Variants in ETNK1 observed in about 807,000 individuals in gnomAD.
The protein encoded by ETNK1 is ethanolamine kinase 1.
A neutral mutation model predicts 45.1 loss-of-function variants in ETNK1; 8 were observed. The observed-to-expected ratio is 0.18, with a 90% CI of 0.10 to 0.32. The LOEUF is 0.32. Among genes scored for constraint, ETNK1 ranks in the 10% least tolerant of loss-of-function variants. ETNK1 has a pLI of 1.00. For missense variants in ETNK1, 302 were observed against 430.6 expected, an observed-to-expected ratio of 0.70 and a Z score of 2.64; for synonymous variants, 152 against 151.9, an observed-to-expected ratio of 1.00 and a Z score of -0.01.
At chr12:22,676,842 C>A (rs1954167191) in intron 6 of ETNK1, among the ~76,000 whole-genome samples, 1 of 146,870 alleles carries the variant, frequency 6.8e-6, no homozygotes, top group Non-Finnish European at 1.5e-5. Flanking sequence ...TATCCTTTGC[C>A]TACGTTTTGA....
intron 3 of ETNK1, among the ~76,000 whole-genome samples, chr12:22,659,787 T>G (rs1953980722): frequency 6.6e-6 from 1 of 152,104 alleles, no homozygotes; most frequent in African/African-American, 2.4e-5. Flanking sequence ...TGAGTTATAT[T>G]TTTTCCCTAG....
At chr12:22,679,268 G>A (rs534454967) in intron 6 of ETNK1, among the ~76,000 whole-genome samples, 6 of 152,308 alleles carry the variant, frequency 3.9e-5, no homozygotes, top group South Asian at 4.1e-4. Context: ...AACCACTGGC[G>A]TTTAAGTCCA....
At chr12:22,629,288 C>T (rs1484885941) in intron 1 of ETNK1, among the ~76,000 whole-genome samples, 1 of 151,980 alleles carries the variant, frequency 6.6e-6, no homozygotes, top group East Asian at 1.9e-4. Context: ...AAAGATTACC[C>T]AAGAAGTTTA....
intron 2 of ETNK1, among the ~76,000 whole-genome samples, chr12:22,653,346 C>G (rs968344435): frequency 5.9e-5 from 9 of 152,088 alleles, no homozygotes; most frequent in African/African-American, 1.9e-4. Context: ...ACTCGGGTCC[C>G]TTGAGAGTCC....
intron 6 of ETNK1, among the ~76,000 whole-genome samples, chr12:22,679,178 C>G (rs975991676): frequency 2.6e-5 from 4 of 152,208 alleles, no homozygotes; most frequent in African/African-American, 4.8e-5. Flanking sequence ...TGGCGCAGTA[C>G]AAGTTTGAAA....
chr12:22,632,952 A>G (rs76917991), intron 1 of ETNK1, among the ~76,000 whole-genome samples: 1,624 of 152,308 alleles, frequency 0.011, 25 homozygotes, highest in African/African-American at 0.034. Context: ...CTAGCATTCC[A>G]TTTTAAGAAT....
chr12:22,676,099 T>G lies in ETNK1; in HGVS notation c.945+2439T>G, dbSNP rs576162503. Among the ~76,000 whole-genome samples, 8 of 152,326 alleles carry G rather than the reference T, an allele frequency of 5.3e-5. No individual in the cohort carries two copies. In the South Asian group the frequency reaches 1.7e-3, roughly 32 times the overall value. On this transcript the variant is annotated intron_variant, in intron 6 of 7. Transcript: ENST00000266517. ...TAGGTATACATGTGCCATGGTGGTTTGCTGCACCCATCAACCTGTCATGCA... is the reference window on the plus strand; with the variant it reads ...TAGGTATACATGTGCCATGGTGGTTGGCTGCACCCATCAACCTGTCATGCA...
At chr12:22,665,234 A>G (rs1954043121) in intron 4 of ETNK1, among the ~76,000 whole-genome samples, 1 of 152,140 alleles carries the variant, frequency 6.6e-6, no homozygotes, top group Admixed American at 6.6e-5. Context: ...TTGACAGTTT[A>G]CATCAGAATC....
At chr12:22,646,639 T>A (rs1019134259) in intron 2 of ETNK1, among the ~76,000 whole-genome samples, 29 of 151,902 alleles carry the variant, frequency 1.9e-4, no homozygotes, top group African/African-American at 6.8e-4. Context: ...CATGCAGTGA[T>A]CTGGACTGAT....
rs142528168 is a variant in ETNK1 at position 22,684,951 on chromosome 12, G to A, written c.1089G>A (p.Glu363=). The A allele has an allele frequency of 1.9e-6, 3 of 1,595,434 alleles. No individual in the cohort carries two copies. Among genetic ancestry groups the A allele is most frequent in the Non-Finnish European group, 2.6e-6 (3 of 1,171,928 alleles). ...KPEVTALKVP[E] Reference sequence around the variant, plus strand: ...AGGTTACTGCATTAAAAGTGCCTGAGTAAAGAAGAGATTTAATTATTCTCC... The same window carrying A: ...AGGTTACTGCATTAAAAGTGCCTGAATAAAGAAGAGATTTAATTATTCTCC... The change falls in exon 8 of 8, where the codon GAG becomes GAA. Residue 363 remains glutamate, a synonymous_variant. Coordinates refer to ENST00000266517, the MANE Select transcript of ETNK1 (RefSeq NM_018638.5).
intron 6 of ETNK1, among the ~76,000 whole-genome samples, chr12:22,680,566 A>C (rs941457051): frequency 6.6e-6 from 1 of 152,150 alleles, no homozygotes; most frequent in Non-Finnish European, 1.5e-5. Flanking sequence ...TTCTACCTGG[A>C]ATGCCTTTTA....
At chr12:22,649,752 G>T (rs1442180589) in intron 2 of ETNK1, among the ~76,000 whole-genome samples, 2 of 151,952 alleles carry the variant, frequency 1.3e-5, no homozygotes, top group Non-Finnish European at 2.9e-5. Context: ...GACTTTTTAA[G>T]AATTTATTTT....
At chr12:22,656,297 C>T in intron 2 of ETNK1, 1 of 467,616 alleles carries the variant, frequency 2.1e-6, no homozygotes, top group Non-Finnish European at 2.8e-6. Context: ...CAGCATGATT[C>T]TCATGAACTT....
chr12:22,675,134 T>G (rs1399415737), intron 6 of ETNK1, among the ~76,000 whole-genome samples: 1 of 152,200 alleles, frequency 6.6e-6, no homozygotes. Context: ...AGTGATGTGA[T>G]CACAGCTCAT....
At chr12:22,638,767 A>T (rs1269064037) in intron 1 of ETNK1, 1 of 152,232 alleles carries the variant, frequency 6.6e-6, no homozygotes, top group East Asian at 1.9e-4. Flanking sequence ...ATTTTGTAAC[A>T]TACCCAAATT....
At chr12:22,631,321 C>T (rs999763498) in intron 1 of ETNK1, among the ~76,000 whole-genome samples, 2 of 151,754 alleles carry the variant, frequency 1.3e-5, no homozygotes, top group African/African-American at 4.8e-5. Context: ...ATTACAGGCG[C>T]CTGCCACCAC....
intron 6 of ETNK1, chr12:22,682,421 A>C: frequency 3.7e-6 from 1 of 273,542 alleles, no homozygotes; most frequent in Non-Finnish European, 7.5e-6. Flanking sequence ...TCTAGTTTGT[A>C]TATTAGTCAT....
In ETNK1 at chr12:22,685,129, A is replaced by T; in HGVS notation, c.*175A>T. The T allele has an allele frequency of 1.9e-6, 1 of 520,992 alleles. No individual in the cohort carries two copies. Among genetic ancestry groups the T allele is most frequent in the South Asian group, 2.9e-5 (1 of 34,376 alleles). The allele number at this position is 520,992 out of a possible 1,614,324, so 32.3% of individuals were successfully genotyped here. A position where few individuals can be genotyped will look rare whatever the true frequency, so the allele number is the denominator to read the frequency against. ...TTGAAATAGACTGAATGATGTCAAG[A>T]AATATACCTACTGCTATCCGTATGT... On this transcript the variant is annotated 3_prime_UTR_variant, in exon 8 of 8. Coordinates refer to ENST00000266517, the MANE Select transcript of ETNK1 (RefSeq NM_018638.5).
At chr12:22,676,064 G>T (rs959645075) in intron 6 of ETNK1, among the ~76,000 whole-genome samples, 6 of 152,040 alleles carry the variant, frequency 3.9e-5, no homozygotes, top group Admixed American at 6.6e-5. Context: ...GAACCTGCAG[G>T]TTTGTTACAT....
Sources: allele counts gnomAD v4.1 joint callset (sites outside exome capture counted in the v4.1 genomes callset), GRCh38; gene constraint gnomAD v4.1.1; transcripts MANE v1.5; gene names NCBI Gene and HGNC (gene_info 2026-07-23, HGNC 2026-07-21).